Variants in MAP2 observed in about 807,000 individuals in gnomAD.
MAP2 encodes the protein microtubule associated protein 2.
Under a neutral mutation model 137.6 loss-of-function variants are expected in MAP2, and 14 were observed. The observed-to-expected ratio is 0.10, with a 90% CI of 0.07 to 0.16. The LOEUF is 0.16. MAP2 is among the 10% of genes least tolerant of loss of function. MAP2 has a pLI of 1.00. For synonymous variants in MAP2, 786 were observed against 782.3 expected (o/e 1.00, Z -0.08); for missense variants, 2,088 against 2,191.5 (o/e 0.95, Z 0.94).
At chr2:209,712,804 G>T (rs1050840467) in intron 13 of MAP2, among the ~76,000 whole-genome samples, 1 of 152,000 alleles carries the variant, frequency 6.6e-6, no homozygotes, top group Non-Finnish European at 1.5e-5. Flanking sequence ...GTATTTTAGG[G>T]CTTCTTAGAA....
intron 2 of MAP2, among the ~76,000 whole-genome samples, chr2:209,544,642 G>T (rs1439638081): frequency 6.6e-6 from 1 of 152,108 alleles, no homozygotes; most frequent in East Asian, 1.9e-4. Context: ...AAACACTAAT[G>T]TATATAGCTA....
intron 1 of MAP2, among the ~76,000 whole-genome samples, chr2:209,425,920 G>A (rs1221148720): frequency 6.6e-6 from 1 of 152,216 alleles, no homozygotes; most frequent in Non-Finnish European, 1.5e-5. Flanking sequence ...TATTTTGGTA[G>A]AAATCCTTGT....
intron 1 of MAP2, among the ~76,000 whole-genome samples, chr2:209,434,946 TTTTATA>T (rs1695536459): frequency 7.0e-6 from 1 of 142,158 alleles, no homozygotes; most frequent in African/African-American, 2.6e-5. Context: ...TATATATGTG[TTTTATA>T]TATATAAAGC....
chr2:209,628,960 T>C (rs950860401), intron 4 of MAP2, among the ~76,000 whole-genome samples: 21 of 152,214 alleles, frequency 1.4e-4, no homozygotes, highest in African/African-American at 5.1e-4. Flanking sequence ...CTTTTAAGGA[T>C]TCCTTTGGTT....
At chr2:209,452,668 A>G (rs1700587348) in intron 1 of MAP2, among the ~76,000 whole-genome samples, 1 of 152,188 alleles carries the variant, frequency 6.6e-6, no homozygotes, top group Non-Finnish European at 1.5e-5. Flanking sequence ...TATATTTGGT[A>G]CTTCTAGCAT....
intron 4 of MAP2, among the ~76,000 whole-genome samples, chr2:209,646,974 TCATGGTTCA>T (rs1187087431): frequency 6.6e-6 from 1 of 152,318 alleles, no homozygotes; most frequent in African/African-American, 2.4e-5. Flanking sequence ...TTCAGTTGCC[TCATGGTTCA>T]CAGGTTGTAC....
chr2:209,732,396 C>T lies in MAP2; in HGVS notation c.*1999C>T, dbSNP rs1188045308. 6.6e-6 allele frequency: 1 copy of T among 152,172 alleles called. No homozygotes were observed. The highest frequency in any genetic ancestry group is 1.5e-5 in the Non-Finnish European group (1 of 68,026). 9.4% of individuals were successfully genotyped at this position (152,172 alleles called of 1,614,324 possible). On this transcript the variant is annotated 3_prime_UTR_variant, in exon 16 of 16. Coordinates refer to ENST00000682079, the MANE Select transcript of MAP2 (RefSeq NM_001375505.1). Reference sequence around the variant, plus strand: ...TTACACAGGCAAACGTGTCTTAAACCATCTATAAATCAGTTATTTTATATG... The same window carrying T: ...TTACACAGGCAAACGTGTCTTAAACTATCTATAAATCAGTTATTTTATATG...
chr2:209,621,619 A>C (rs2091221384), intron 3 of MAP2, among the ~76,000 whole-genome samples: 1 of 152,156 alleles, frequency 6.6e-6, no homozygotes, highest in Non-Finnish European at 1.5e-5. Context: ...AATGATACTT[A>C]CAATGTGTTT....
At chr2:209,592,246 T>C (rs73071057) in intron 3 of MAP2, among the ~76,000 whole-genome samples, 2,583 of 152,246 alleles carry the variant, frequency 0.017, 87 homozygotes, top group African/African-American at 0.059. Context: ...TCTGTCATTG[T>C]AGCACAAAAG....
chr2:209,435,936 T>G (rs907566794), intron 1 of MAP2, among the ~76,000 whole-genome samples: 10 of 143,144 alleles, frequency 7.0e-5, no homozygotes, highest in African/African-American at 2.3e-4. Context: ...ATATTATATA[T>G]ATAATATATA....
At chr2:209,576,081 G>C (rs929404157) in intron 2 of MAP2, among the ~76,000 whole-genome samples, 2 of 152,140 alleles carry the variant, frequency 1.3e-5, no homozygotes, top group Admixed American at 1.3e-4. Context: ...AGTTATTTCA[G>C]AAGAGGCACA....
At chr2:209,646,860 A>G (rs1384687972) in intron 4 of MAP2, among the ~76,000 whole-genome samples, 1 of 152,100 alleles carries the variant, frequency 6.6e-6, no homozygotes, top group East Asian at 1.9e-4. Context: ...GTTTCTTTAG[A>G]ATTAATAAAT....
chr2:209,635,103 G>GA (rs751581894), intron 4 of MAP2, among the ~76,000 whole-genome samples: 1 of 151,820 alleles, frequency 6.6e-6, no homozygotes, highest in Non-Finnish European at 1.5e-5. Flanking sequence ...GACTCTAAAA[G>GA]AAAAAGAAAA....
chr2:209,434,701 A>G (rs921078844), intron 1 of MAP2, among the ~76,000 whole-genome samples: 6 of 150,874 alleles, frequency 4.0e-5, no homozygotes, highest in Non-Finnish European at 8.9e-5. Context: ...GCATGTCTGT[A>G]GTCCTAGCTA....
intron 1 of MAP2, among the ~76,000 whole-genome samples, chr2:209,426,362 CTT>C (rs1352062855): frequency 6.6e-6 from 1 of 152,076 alleles, no homozygotes; most frequent in African/African-American, 2.4e-5. Flanking sequence ...TATCTCCTCT[CTT>C]ATTTTTTTCC....
chr2:209,663,251 G>A (rs536438549), intron 5 of MAP2, among the ~76,000 whole-genome samples: 2 of 152,128 alleles, frequency 1.3e-5, no homozygotes, highest in South Asian at 2.1e-4. Flanking sequence ...CATAAAGCAC[G>A]TGCTTTGACT....
intron 10 of MAP2, among the ~76,000 whole-genome samples, chr2:209,698,050 A>G (rs987689642): frequency 6.0e-5 from 9 of 150,396 alleles, no homozygotes; most frequent in Non-Finnish European, 1.5e-5. Context: ...GGGTTTCACC[A>G]TCTTGGCCAG....
intron 1 of MAP2, among the ~76,000 whole-genome samples, chr2:209,492,285 T>G (rs1014060368): frequency 6.6e-6 from 1 of 152,132 alleles, no homozygotes; most frequent in Non-Finnish European, 1.5e-5. Flanking sequence ...TGATGAAACA[T>G]ATCTCAAAAT....
chr2:209,581,476 A>G (rs1028034778), intron 3 of MAP2, among the ~76,000 whole-genome samples: 6 of 152,214 alleles, frequency 3.9e-5, no homozygotes, highest in Admixed American at 3.9e-4. Flanking sequence ...ACTCAGTGGA[A>G]TCGTGTATGA....
Sources: allele counts gnomAD v4.1 joint callset (sites outside exome capture counted in the v4.1 genomes callset), GRCh38; gene constraint gnomAD v4.1.1; transcripts MANE v1.5; gene names NCBI Gene and HGNC (gene_info 2026-07-23, HGNC 2026-07-21).